The following BIN2 variants were observed in gnomAD, a reference collection of about 807,000 sequenced individuals.
BIN2 encodes the protein breast cancer associated protein BRAP1.
Under a neutral mutation model 67.9 loss-of-function variants are expected in BIN2, and 43 were observed. That is an observed-to-expected ratio of 0.63 (90% CI 0.50 to 0.82). BIN2 has a LOEUF of 0.82. BIN2 is among the 40% of genes least tolerant of loss of function. The pLI is 0.00. For synonymous variants in BIN2, 244 were observed against 246.8 expected (o/e 0.99, Z 0.11); for missense variants, 581 against 671.6 (o/e 0.87, Z 1.49).
At chr12:51,312,520 C>T (rs568690296) in intron 2 of BIN2, among the ~76,000 whole-genome samples, 1 of 152,292 alleles carries the variant, frequency 6.6e-6, no homozygotes, top group African/African-American at 2.4e-5. Flanking sequence ...GACAGCCTCC[C>T]TCTGTTCGTT....
intron 5 of BIN2, 109 bp downstream of exon 5, chr12:51,301,911 C>G (rs950061528): frequency 1.0e-5 from 8 of 769,950 alleles, no homozygotes; most frequent in African/African-American, 8.7e-5. Context: ...CTTACCCAAA[C>G]TTCATTCTTA....
intron 12 of BIN2, among the ~76,000 whole-genome samples, chr12:51,282,604 T>TTTGAGACACAGTCTCAA (rs2137328836): frequency 6.6e-6 from 1 of 152,296 alleles, no homozygotes; most frequent in African/African-American, 2.4e-5. Context: ...TTTCTATATA[T>TTTGAGACACAGTCTCAA]ATTATTTTTG....
At chr12:51,307,507 A>G (rs7309232) in intron 2 of BIN2, among the ~76,000 whole-genome samples, 51,185 of 151,068 alleles carry the variant, frequency 0.34, 9,008 homozygotes, top group Middle Eastern at 0.43. Context: ...TCAGGAGTTC[A>G]AGACCAGCCT....
intron 12 of BIN2, among the ~76,000 whole-genome samples, chr12:51,281,730 T>C (rs1295706875): frequency 6.6e-6 from 1 of 152,142 alleles, no homozygotes; most frequent in Non-Finnish European, 1.5e-5. Flanking sequence ...ATTCACAATA[T>C]CTTTATGATG....
In BIN2 at chr12:51,299,611, G is replaced by A. The variant is rs1945665512; in HGVS notation, c.512C>T (p.Ala171Val). Residue 171 changes from alanine (A) to valine (V), a missense_variant, in exon 6 of 13, where the codon GCC becomes GTC. Ala to Val is a moderately conservative substitution (Grantham distance 64). Transcript: ENST00000615107. ...NAKKKDEAKT[A>V]KAEEEFNKAQ... ...TTGTTGTTGTTTTTGTTTTACCTTG[G>A]CAGTCTTGGCCTCATCTTTCTTCTT... 4 of 1,613,626 alleles carry A rather than the reference G, an allele frequency of 2.5e-6. No individual in the cohort carries two copies. Among genetic ancestry groups the A allele is most frequent in the Non-Finnish European group, 3.4e-6 (4 of 1,179,720 alleles).
At chr12:51,300,237 T>A (rs1385499997) in intron 5 of BIN2, among the ~76,000 whole-genome samples, 1 of 152,078 alleles carries the variant, frequency 6.6e-6, no homozygotes, top group East Asian at 1.9e-4. Flanking sequence ...CTACAGAGCA[T>A]GTGGAAATCT....
chr12:51,281,817 C>T, intron 12 of BIN2, among the ~76,000 whole-genome samples: 1 of 151,928 alleles, frequency 6.6e-6, no homozygotes, highest in East Asian at 1.9e-4. Flanking sequence ...TGTAGTGGCA[C>T]AATCATAGCT....
At chr12:51,289,605 G>A (rs1010767648) in intron 10 of BIN2, among the ~76,000 whole-genome samples, 1 of 152,048 alleles carries the variant, frequency 6.6e-6, no homozygotes, top group Non-Finnish European at 1.5e-5. Flanking sequence ...GACAGAGTGA[G>A]ACCCTGTCTC....
chr12:51,313,878 A>G lies in BIN2; in HGVS notation c.107T>C (p.Val36Ala). The change falls in exon 2 of 13, where the codon GTA (valine) becomes GCA (alanine). Residue 36 changes from valine to alanine, a missense_variant. Val to Ala is a moderately conservative substitution (Grantham distance 64). Coordinates refer to ENST00000615107, the MANE Select transcript of BIN2 (RefSeq NM_016293.4). Reference sequence around the variant, plus strand: ...TTCAAATCGTTCATCTTTGGTTTCTACAGCTTTCCCCAATTTCTGCAGCAC... The same window carrying G: ...TTCAAATCGTTCATCTTTGGTTTCTGCAGCTTTCCCCAATTTCTGCAGCAC... ...EKVLQKLGKAVETKDERFEQS... is the reference protein window; with the variant it reads ...EKVLQKLGKAAETKDERFEQS... The G allele has an allele frequency of 6.2e-7, 1 of 1,613,962 alleles. No homozygotes were observed. The highest frequency in any genetic ancestry group is 8.5e-7 in the Non-Finnish European group (1 of 1,179,898).
At chr12:51,323,014 C>T (rs1191239772) in intron 1 of BIN2, 1 of 152,192 alleles carries the variant, frequency 6.6e-6, no homozygotes, top group Non-Finnish European at 1.5e-5. Context: ...GTAAGCAGAG[C>T]TGTTCATCCA....
chr12:51,321,529 A>G (rs900384905), intron 1 of BIN2, among the ~76,000 whole-genome samples: 1 of 151,994 alleles, frequency 6.6e-6, no homozygotes, highest in Non-Finnish European at 1.5e-5. Context: ...CCTCCTGAGT[A>G]GCTGGGATTA....
At chr12:51,303,533 C>T (rs1323126305) in intron 2 of BIN2, among the ~76,000 whole-genome samples, 12 of 152,166 alleles carry the variant, frequency 7.9e-5, no homozygotes, top group Admixed American at 7.9e-4. Flanking sequence ...TCTGAACCCT[C>T]ACACAGACAT....
At chr12:51,282,207 T>C (rs1025268764) in intron 12 of BIN2, among the ~76,000 whole-genome samples, 14 of 152,160 alleles carry the variant, frequency 9.2e-5, no homozygotes, top group African/African-American at 2.9e-4. Context: ...TCCTGTCTCA[T>C]ATAATTCTGA....
chr12:51,303,907 G>A (rs550597369), intron 2 of BIN2, among the ~76,000 whole-genome samples: 13 of 152,340 alleles, frequency 8.5e-5, no homozygotes, highest in Admixed American at 6.5e-4. Flanking sequence ...GGAAACTAAT[G>A]TCTTGCCTGA....
At chr12:51,320,870 G>C (rs1946254063) in intron 1 of BIN2, among the ~76,000 whole-genome samples, 1 of 150,640 alleles carries the variant, frequency 6.6e-6, no homozygotes, top group South Asian at 2.1e-4. Flanking sequence ...GTTTGCCACA[G>C]AGAAATCACA....
At chr12:51,295,757 C>T (rs1945549141) in intron 9 of BIN2, 39 bp downstream of exon 9, 1 of 1,564,810 alleles carries the variant, frequency 6.4e-7, no homozygotes, top group Non-Finnish European at 8.8e-7. Flanking sequence ...CATTCACACA[C>T]AGGACAAGCG....
In BIN2 at chr12:51,284,757, G is replaced by A. The variant is rs1259379106; in HGVS notation, c.1627C>T (p.Pro543Ser). 6.2e-7 allele frequency: 1 copy of A among 1,613,606 alleles called. No homozygotes were observed. The highest frequency in any genetic ancestry group is 1.1e-5 in the South Asian group (1 of 91,072). The change falls in exon 12 of 13, where the codon CCA becomes TCA. Residue 543 changes from proline to serine, a missense_variant. Coordinates refer to ENST00000615107, the MANE Select transcript of BIN2 (RefSeq NM_016293.4). ...GGTGCTGTGAGGTTGTTGTTTTCTG[G>A]TACCATGGAGACTTGAAGCTGGTCT... ...GQDQLQVSMVPENNNLTAPEP... is the reference protein window; with the variant it reads ...GQDQLQVSMVSENNNLTAPEP...
At chr12:51,314,998 C>T (rs958609804) in intron 1 of BIN2, among the ~76,000 whole-genome samples, 1 of 151,866 alleles carries the variant, frequency 6.6e-6, no homozygotes, top group Non-Finnish European at 1.5e-5. Flanking sequence ...GGACCACATG[C>T]TCACACCACC....
At chr12:51,323,921 C>CG in intron 1 of BIN2, 101 bp downstream of exon 1, 4 of 1,454,738 alleles carry the variant, frequency 2.7e-6, no homozygotes, top group Non-Finnish European at 3.7e-6. Flanking sequence ...CCAGACCCTT[C>CG]GGGGCCCCTG....
Sources: gnomAD v4.1 joint callset for allele counts (sites outside exome capture counted in the v4.1 genomes callset) on GRCh38, gnomAD v4.1.1 for gene constraint, MANE v1.5 for transcripts, NCBI Gene and HGNC (gene_info 2026-07-23, HGNC 2026-07-21) for gene names.